GPC6: variants seen among roughly 807,000 people sequenced by gnomAD.
GPC6 encodes glypican-6.
Under a neutral mutation model 55.2 loss-of-function variants are expected in GPC6, and 14 were observed. That is an observed-to-expected ratio of 0.25 (90% CI 0.17 to 0.40). The LOEUF is 0.40. GPC6 is among the 10% of genes least tolerant of loss of function. The probability of loss-of-function intolerance (pLI) is 1.00; values close to 1 mark genes in which losing one functional copy is unlikely to be tolerated. For synonymous variants in GPC6, 278 were observed against 259.6 expected (o/e 1.07, Z -0.68); for missense variants, 641 against 708.5 (o/e 0.90, Z 1.08).
chr13:94,272,897 C>T, intron 4 of GPC6, among the ~76,000 whole-genome samples: 1 of 152,118 alleles, frequency 6.6e-6, no homozygotes, highest in Non-Finnish European at 1.5e-5. Context: ...TGCCCAGCCA[C>T]ATCACCAGGC....
At chr13:93,751,620 C>T (rs1304704094) in intron 2 of GPC6, among the ~76,000 whole-genome samples, 1 of 152,072 alleles carries the variant, frequency 6.6e-6, no homozygotes, top group African/African-American at 2.4e-5. Context: ...CTCCTGGGTT[C>T]AAGGGATCGT....
At chr13:94,026,885 C>T (rs1244127433) in intron 3 of GPC6, among the ~76,000 whole-genome samples, 1 of 152,122 alleles carries the variant, frequency 6.6e-6, no homozygotes, top group East Asian at 1.9e-4. Context: ...ACAAGAATAG[C>T]AGGATGAGAG....
At chr13:94,246,390 T>C (rs1361801300) in intron 4 of GPC6, among the ~76,000 whole-genome samples, 1 of 152,122 alleles carries the variant, frequency 6.6e-6, no homozygotes, top group Admixed American at 6.6e-5. Flanking sequence ...ATTTTTGCTT[T>C]TGTAGCCTAA....
chr13:93,660,901 AC>A (rs1566473877), intron 2 of GPC6, among the ~76,000 whole-genome samples: 1 of 152,142 alleles, frequency 6.6e-6, no homozygotes, highest in East Asian at 1.9e-4. Flanking sequence ...ATAGCTCATG[AC>A]CCATCTGAGA....
chr13:93,440,613 G>A (rs1006079725), intron 1 of GPC6, among the ~76,000 whole-genome samples: 1 of 152,120 alleles, frequency 6.6e-6, no homozygotes, highest in African/African-American at 2.4e-5. Context: ...GTGGAGATCA[G>A]GGAGGCATTT....
At chr13:93,579,843 C>T (rs996055445) in intron 2 of GPC6, among the ~76,000 whole-genome samples, 2 of 152,072 alleles carry the variant, frequency 1.3e-5, no homozygotes, top group Admixed American at 6.6e-5. Context: ...TGATGGAGCC[C>T]CTCACTGTGT....
intron 6 of GPC6, among the ~76,000 whole-genome samples, chr13:94,319,068 A>G: frequency 6.6e-6 from 1 of 152,150 alleles, no homozygotes; most frequent in East Asian, 1.9e-4. Context: ...GTTCACCTAA[A>G]TGTACTAGAA....
intron 3 of GPC6, among the ~76,000 whole-genome samples, chr13:94,002,580 G>A (rs1288219646): frequency 2.0e-5 from 3 of 152,056 alleles, no homozygotes; most frequent in African/African-American, 4.8e-5. Flanking sequence ...CACACTTAAA[G>A]TAGGGATGTA....
At chr13:93,601,711 G>A (rs1400973219) in intron 2 of GPC6, among the ~76,000 whole-genome samples, 2 of 152,170 alleles carry the variant, frequency 1.3e-5, no homozygotes, top group East Asian at 1.9e-4. Context: ...CCCAGACCTC[G>A]GGATATTCCA....
chr13:94,355,730 G>A (rs1015573148), intron 6 of GPC6, among the ~76,000 whole-genome samples: 4 of 151,924 alleles, frequency 2.6e-5, no homozygotes, highest in African/African-American at 9.7e-5. Context: ...CTCCACTTTA[G>A]TTTTCACTTT....
intron 1 of GPC6, among the ~76,000 whole-genome samples, chr13:93,385,478 G>T (rs1234024118): frequency 6.6e-6 from 1 of 152,232 alleles, no homozygotes; most frequent in African/African-American, 2.4e-5. Context: ...TGGTTTAGAG[G>T]CACCTAAAGA....
At chr13:94,104,468 A>G (rs1885981235) in intron 4 of GPC6, among the ~76,000 whole-genome samples, 1 of 152,212 alleles carries the variant, frequency 6.6e-6, no homozygotes. Flanking sequence ...AGTTCTGGCC[A>G]GGGCAATTAG....
intron 3 of GPC6, among the ~76,000 whole-genome samples, chr13:93,848,509 G>A (rs1034597130): frequency 6.6e-6 from 1 of 152,036 alleles, no homozygotes; most frequent in Admixed American, 6.6e-5. Context: ...GGCATCCTAC[G>A]AATATCTTCA....
intron 4 of GPC6, among the ~76,000 whole-genome samples, chr13:94,223,881 T>C (rs1890462638): frequency 6.6e-6 from 1 of 152,186 alleles, no homozygotes; most frequent in Non-Finnish European, 1.5e-5. Flanking sequence ...GCTTTTACGG[T>C]CATTTGCTGA....
intron 3 of GPC6, among the ~76,000 whole-genome samples, chr13:93,923,487 C>CAA (rs5805836): frequency 0.033 from 4,925 of 149,116 alleles, 223 homozygotes; most frequent in African/African-American, 0.1. Flanking sequence ...AAAAATAAAG[C>CAA]AAAAAAAAAA....
At chr13:93,237,299 A>T (rs766870990) in intron 1 of GPC6, among the ~76,000 whole-genome samples, 5 of 151,964 alleles carry the variant, frequency 3.3e-5, no homozygotes, top group Non-Finnish European at 7.4e-5. Context: ...TTGTAGTTTT[A>T]ATTTTCATTT....
At chr13:93,587,720 A>T (rs1419133257) in intron 2 of GPC6, among the ~76,000 whole-genome samples, 5 of 152,150 alleles carry the variant, frequency 3.3e-5, no homozygotes, top group Non-Finnish European at 7.3e-5. Context: ...AAGCCCAAGG[A>T]AGTAACCTCA....
intron 2 of GPC6, among the ~76,000 whole-genome samples, chr13:93,698,485 CTTTTT>C (rs57058820): frequency 1.8e-4 from 6 of 32,440 alleles, no homozygotes; most frequent in Non-Finnish European, 1.6e-4. Flanking sequence ...CTGTGTGGGT[CTTTTT>C]TTTTTTTTTT....
chr13:94,290,076 C>T (rs1874871854), intron 5 of GPC6, among the ~76,000 whole-genome samples: 1 of 151,980 alleles, frequency 6.6e-6, no homozygotes. Context: ...AAGTCAGTGG[C>T]ATAAAAACAG....
Sources: gnomAD v4.1 joint callset for allele counts (sites outside exome capture counted in the v4.1 genomes callset) on GRCh38, gnomAD v4.1.1 for gene constraint, MANE v1.5 for transcripts, NCBI Gene and HGNC (gene_info 2026-07-23, HGNC 2026-07-21) for gene names.